DNAAF4: variants seen among roughly 807,000 people sequenced by gnomAD.
DNAAF4 encodes dynein axonemal assembly factor 4.
Under a neutral mutation model 51.8 loss-of-function variants are expected in DNAAF4, and 43 were observed. That is an observed-to-expected ratio of 0.83 (90% confidence interval 0.65 to 1.07). The LOEUF is 1.07. DNAAF4 is among the 50% of genes least tolerant of loss of function. DNAAF4 has a pLI of 0.00. For missense variants in DNAAF4, 581 were observed against 493.0 expected, an observed-to-expected ratio of 1.18 and a Z score of -1.69; for synonymous variants, 194 against 165.6, an observed-to-expected ratio of 1.17 and a Z score of -1.32.
At chr15:55,500,960 C>A (rs1250561809) in intron 1 of DNAAF4, among the ~76,000 whole-genome samples, 1 of 142,610 alleles carries the variant, frequency 7.0e-6, no homozygotes, top group Non-Finnish European at 1.5e-5. Flanking sequence ...CCATTGCACT[C>A]CAGCCTGAGC....
rs372654765 is a variant in DNAAF4 at position 55,435,513 on chromosome 15, G to C, written c.894-455C>G. On this transcript the variant is annotated intron_variant, in intron 7 of 9. Coordinates refer to ENST00000321149, the MANE Select transcript of DNAAF4 (RefSeq NM_130810.4). ...GAAGAGCTGGCATTAGAATAAAGCT[G>C]ATACTATGGAAATATGAAAGGAATA... Among the ~76,000 whole-genome samples, 18 of 152,242 alleles carry C rather than the reference G, an allele frequency of 1.2e-4. 1 individual carries two copies. The highest frequency in any genetic ancestry group is 7.2e-4 in the Admixed American group (11 of 15,274).
intron 5 of DNAAF4, among the ~76,000 whole-genome samples, chr15:55,455,659 T>C (rs2058009503): frequency 6.6e-6 from 1 of 151,940 alleles, no homozygotes; most frequent in African/African-American, 2.4e-5. Flanking sequence ...CTGGAACTCC[T>C]AACCTCAGGT....
intron 5 of DNAAF4, among the ~76,000 whole-genome samples, chr15:55,455,919 T>C (rs2058013781): frequency 6.6e-6 from 1 of 151,936 alleles, no homozygotes; most frequent in Non-Finnish European, 1.5e-5. Context: ...GCACTTAGAC[T>C]GAAGTGTTGT....
chr15:55,461,341 C>A (rs1187273423), intron 5 of DNAAF4, among the ~76,000 whole-genome samples: 4 of 152,038 alleles, frequency 2.6e-5, no homozygotes, highest in African/African-American at 9.7e-5. Context: ...CGTGATCCAC[C>A]CACCTAGGCC....
intron 1 of DNAAF4, among the ~76,000 whole-genome samples, chr15:55,499,570 C>T (rs1248504886): frequency 6.6e-6 from 1 of 152,184 alleles, no homozygotes; most frequent in Non-Finnish European, 1.5e-5. Context: ...ACAACACATA[C>T]CAGGAGCTTG....
intron 5 of DNAAF4, among the ~76,000 whole-genome samples, chr15:55,465,251 C>A (rs1344505752): frequency 2.6e-5 from 4 of 152,240 alleles, no homozygotes; most frequent in Admixed American, 2.6e-4. Flanking sequence ...AATCCCCCTA[C>A]TGGGTATCTA....
chr15:55,467,285 T>C lies in DNAAF4; in HGVS notation c.406-124A>G, dbSNP rs2290980. 60,594 of 904,458 alleles carry C rather than the reference T, an allele frequency of 0.067. 2,553 individuals are homozygous for C. The highest frequency in any genetic ancestry group is 0.17 in the East Asian group (6,598 of 38,442). 56.0% of individuals were successfully genotyped at this position (904,458 alleles called of 1,614,324 possible). A position where few individuals can be genotyped will look rare whatever the true frequency, so the allele number is the denominator to read the frequency against. ...ACTCTTGCCATTGTATTTGTAACAA[T>C]AGGTAGTAGTGAATTATGAATTAAA... On this transcript the variant is annotated intron_variant, in intron 4 of 9. Transcript: ENST00000321149.
intron 7 of DNAAF4, among the ~76,000 whole-genome samples, chr15:55,421,792 G>A (rs1374056832): frequency 6.6e-6 from 1 of 151,734 alleles, no homozygotes; most frequent in Non-Finnish European, 1.5e-5. Context: ...GGGAGTCTGA[G>A]GCAGAAGAAT....
chr15:55,439,369 C>A, intron 7 of DNAAF4, 103 bp downstream of exon 7: 1 of 992,222 alleles, frequency 1.0e-6, no homozygotes. Context: ...CTCGGCCTCC[C>A]AAAGGGCTGG....
chr15:55,481,590 C>G (rs939014589), intron 4 of DNAAF4, among the ~76,000 whole-genome samples: 3 of 152,182 alleles, frequency 2.0e-5, no homozygotes, highest in African/African-American at 7.2e-5. Context: ...CTCCACTAGA[C>G]AGAGCAGGGC....
intron 7 of DNAAF4, among the ~76,000 whole-genome samples, chr15:55,438,281 G>A (rs1003195053): frequency 4.0e-5 from 6 of 151,560 alleles, no homozygotes; most frequent in African/African-American, 4.9e-5. Context: ...AACCTGGGAG[G>A]TGGAGTTTGC....
intron 4 of DNAAF4, among the ~76,000 whole-genome samples, chr15:55,484,521 A>G (rs2058459988): frequency 6.6e-6 from 1 of 151,912 alleles, no homozygotes; most frequent in Non-Finnish European, 1.5e-5. Flanking sequence ...TACCATTACC[A>G]TATGATCTGC....
In DNAAF4 at chr15:55,418,360, A is replaced by G. The variant is rs184097684; in HGVS notation, c.1048-227T>C. 2.3e-4 allele frequency: 357 copies of G among 1,538,836 alleles called. No homozygotes were observed. In the African/African-American group the frequency reaches 4.3e-3, roughly 19 times the overall value. On this transcript the variant is annotated intron_variant, in intron 7 of 7. Transcript: ENST00000448430. ...CACTCCAGACAGCCACCTCACTATCAAAACCTCAAATGATTATGTATAAAA... is the reference window on the plus strand; with the variant it reads ...CACTCCAGACAGCCACCTCACTATCGAAACCTCAAATGATTATGTATAAAA...
chr15:55,465,226 G>A (rs185957100), intron 5 of DNAAF4, among the ~76,000 whole-genome samples: 151 of 152,184 alleles, frequency 9.9e-4, no homozygotes, highest in African/African-American at 3.4e-3. Flanking sequence ...AAGTAGAACC[G>A]CCATTTGATC....
At chr15:55,486,474 A>T (rs2058491180) in intron 4 of DNAAF4, among the ~76,000 whole-genome samples, 1 of 152,134 alleles carries the variant, frequency 6.6e-6, no homozygotes, top group South Asian at 2.1e-4. Flanking sequence ...GATTACAGGC[A>T]TGAGCCACCA....
chr15:55,498,842 C>T (rs1321519770), intron 1 of DNAAF4, among the ~76,000 whole-genome samples: 1 of 147,916 alleles, frequency 6.8e-6, no homozygotes, highest in Non-Finnish European at 1.5e-5. Flanking sequence ...ACCCGGGAGG[C>T]AGGGGTCGCA....
intron 4 of DNAAF4, among the ~76,000 whole-genome samples, chr15:55,480,860 C>G (rs1427541982): frequency 1.3e-5 from 2 of 152,148 alleles, no homozygotes; most frequent in African/African-American, 4.8e-5. Context: ...TCTGTATCCC[C>G]ACCCAAATCT....
At chr15:55,503,176 A>G (rs1279297315) in intron 1 of DNAAF4, among the ~76,000 whole-genome samples, 1 of 152,218 alleles carries the variant, frequency 6.6e-6, no homozygotes, top group Non-Finnish European at 1.5e-5. Context: ...AAAATCTAGA[A>G]GAAATGCATA....
intron 5 of DNAAF4, among the ~76,000 whole-genome samples, chr15:55,456,556 C>T (rs975637386): frequency 2.0e-4 from 30 of 152,096 alleles, no homozygotes; most frequent in African/African-American, 5.1e-4. Context: ...ACTCACAATG[C>T]GAACTTTTAC....
Sources: allele counts gnomAD v4.1 joint callset (sites outside exome capture counted in the v4.1 genomes callset), GRCh38; gene constraint gnomAD v4.1.1; transcripts MANE v1.5; gene names NCBI Gene and HGNC (gene_info 2026-07-23, HGNC 2026-07-21).